FRMD4A: variants seen among roughly 807,000 people sequenced by gnomAD.
FRMD4A encodes the protein FERM domain containing 4A.
In FRMD4A, 29 loss-of-function variants were observed where a neutral mutation model predicts 129.1. That is an observed-to-expected ratio of 0.22 (90% confidence interval 0.17 to 0.31). The LOEUF is 0.31. FRMD4A is among the 10% of genes least tolerant of loss of function. The pLI is 1.00. For synonymous variants in FRMD4A, 634 were observed against 571.6 expected (o/e 1.11, Z -1.56); for missense variants, 1,272 against 1,375.8 (o/e 0.92, Z 1.19).
chr10:13,924,105 T>C (rs930998821), intron 2 of FRMD4A, among the ~76,000 whole-genome samples: 1 of 152,218 alleles, frequency 6.6e-6, no homozygotes, highest in Non-Finnish European at 1.5e-5. Context: ...GAAGCTGTTA[T>C]TCCCCACTTT....
intron 2 of FRMD4A, among the ~76,000 whole-genome samples, chr10:14,186,208 A>T (rs896155638): frequency 5.3e-5 from 8 of 152,196 alleles, no homozygotes; most frequent in Non-Finnish European, 1.2e-4. Flanking sequence ...GGATAACAAA[A>T]CAGGCTACAA....
chr10:13,905,175 A>C (rs1342935394), intron 2 of FRMD4A, among the ~76,000 whole-genome samples: 1 of 152,048 alleles, frequency 6.6e-6, no homozygotes, highest in Non-Finnish European at 1.5e-5. Context: ...TTTTGGGGAT[A>C]CCTGCAATGC....
At chr10:14,166,948 T>C (rs935005675) in intron 2 of FRMD4A, among the ~76,000 whole-genome samples, 1 of 152,206 alleles carries the variant, frequency 6.6e-6, no homozygotes, top group African/African-American at 2.4e-5. Flanking sequence ...TACCATGCTA[T>C]GTACTAGGCT....
At chr10:14,312,103 C>T (rs1020917732) in intron 2 of FRMD4A, among the ~76,000 whole-genome samples, 3 of 152,110 alleles carry the variant, frequency 2.0e-5, no homozygotes, top group African/African-American at 7.2e-5. Context: ...AAACCATTTC[C>T]TCAGTGAAAG....
At chr10:14,105,545 C>T (rs1173105273) in intron 2 of FRMD4A, among the ~76,000 whole-genome samples, 1 of 152,168 alleles carries the variant, frequency 6.6e-6, no homozygotes, top group Non-Finnish European at 1.5e-5. Flanking sequence ...TTGTAGTTTA[C>T]ATCTCTAAAA....
chr10:13,757,382 T>C (rs1222803409), intron 8 of FRMD4A, among the ~76,000 whole-genome samples: 1 of 152,236 alleles, frequency 6.6e-6, no homozygotes, highest in Admixed American at 6.5e-5. Context: ...GACTATTTCC[T>C]AAACCTTTAG....
chr10:14,298,730 C>G (rs1170297835), intron 2 of FRMD4A, among the ~76,000 whole-genome samples: 5 of 152,088 alleles, frequency 3.3e-5, no homozygotes, highest in Non-Finnish European at 1.5e-5. Context: ...AGGGAAGAGC[C>G]CTTCAGAAGA....
chr10:13,875,481 G>C (rs979884536), intron 2 of FRMD4A, among the ~76,000 whole-genome samples: 1 of 152,198 alleles, frequency 6.6e-6, no homozygotes, highest in African/African-American at 2.4e-5. Context: ...TCGGATGGTA[G>C]CTTCAAATGT....
intron 2 of FRMD4A, among the ~76,000 whole-genome samples, chr10:13,921,242 C>T (rs2095068136): frequency 9.4e-6 from 1 of 106,148 alleles, no homozygotes; most frequent in Admixed American, 1.0e-4. Context: ...CTCTTTCTTT[C>T]TCTCTTTCTC....
At chr10:14,058,181 C>T (rs771270955) in intron 2 of FRMD4A, among the ~76,000 whole-genome samples, 1 of 152,154 alleles carries the variant, frequency 6.6e-6, no homozygotes. Context: ...GCTAGCTTCC[C>T]AAACCCATAG....
chr10:14,286,722 G>C (rs1208296225), intron 2 of FRMD4A, among the ~76,000 whole-genome samples: 2 of 152,134 alleles, frequency 1.3e-5, no homozygotes, highest in Non-Finnish European at 2.9e-5. Flanking sequence ...CCAGCATGAG[G>C]AGTATGAAAA....
Position 13,669,057 on chromosome 10 carries a change from G to GA in FRMD4A, c.1374+1348_1374+1349insT, listed in dbSNP as rs541360128. 3.6e-3 allele frequency among the ~76,000 whole-genome samples: 354 copies of GA among 97,462 alleles called. 8 individuals carry two copies. Among genetic ancestry groups the GA allele is most frequent in the Non-Finnish European group, 4.8e-3 (240 of 50,258 alleles). 63.9% of individuals were successfully genotyped at this position (97,462 alleles called of 152,430 possible). Reference sequence around the variant, plus strand: ...CCAGGAACTGCCTAACTGAGCTTTAGTTTTTTTTTTTTTTTTTTTTTTTTT... The same window carrying GA: ...CCAGGAACTGCCTAACTGAGCTTTAGATTTTTTTTTTTTTTTTTTTTTTTTT... On this transcript the variant is annotated intron_variant, in intron 17 of 24. Transcript: ENST00000357447.
At chr10:13,678,970 C>T (rs969305715) in intron 15 of FRMD4A, among the ~76,000 whole-genome samples, 8 of 152,086 alleles carry the variant, frequency 5.3e-5, no homozygotes, top group African/African-American at 1.9e-4. Context: ...TAACTATTAA[C>T]ATCCTACAGT....
chr10:13,869,594 A>G (rs1319544825), intron 2 of FRMD4A, among the ~76,000 whole-genome samples: 4 of 152,238 alleles, frequency 2.6e-5, no homozygotes, highest in African/African-American at 7.2e-5. Flanking sequence ...CATGGACACC[A>G]TACTGGGGAG....
At chr10:14,133,660 T>C (rs1839382724) in intron 2 of FRMD4A, among the ~76,000 whole-genome samples, 2 of 152,224 alleles carry the variant, frequency 1.3e-5, no homozygotes, top group South Asian at 4.1e-4. Context: ...AACCATTCTG[T>C]TCCCTGTTCT....
intron 2 of FRMD4A, among the ~76,000 whole-genome samples, chr10:14,117,894 T>C (rs1444144601): frequency 6.6e-6 from 1 of 152,152 alleles, no homozygotes; most frequent in Non-Finnish European, 1.5e-5. Flanking sequence ...TATGGGCACC[T>C]ATACTTGCAG....
At chr10:14,302,359 G>A (rs1045736005) in intron 2 of FRMD4A, among the ~76,000 whole-genome samples, 8 of 152,140 alleles carry the variant, frequency 5.3e-5, no homozygotes, top group South Asian at 2.1e-4. Context: ...AAAACATGTC[G>A]CCTCCATATA....
chr10:13,690,956 G>A (rs1406346258), intron 15 of FRMD4A, among the ~76,000 whole-genome samples: 2 of 152,184 alleles, frequency 1.3e-5, no homozygotes, highest in African/African-American at 4.8e-5. Context: ...GAGATGTACT[G>A]CTTTTAAGTC....
chr10:13,778,587 T>A (rs1264507124), intron 6 of FRMD4A, among the ~76,000 whole-genome samples: 4 of 144,950 alleles, frequency 2.8e-5, no homozygotes, highest in Admixed American at 7.3e-5. Context: ...TGGCTGATAC[T>A]ACCATTCCAA....
Sources: allele counts gnomAD v4.1 joint callset (sites outside exome capture counted in the v4.1 genomes callset), GRCh38; gene constraint gnomAD v4.1.1; transcripts MANE v1.5; gene names NCBI Gene and HGNC (gene_info 2026-07-23, HGNC 2026-07-21).